LARGE1: variants seen among roughly 807,000 people sequenced by gnomAD.
The protein encoded by LARGE1 is LARGE xylosyl- and glucuronyltransferase 1.
LARGE1 carries 43 observed loss-of-function variants against 87.6 expected under a neutral mutation model. The ratio of observed to expected loss-of-function variants is 0.49; its 90% CI spans 0.38 to 0.63. The LOEUF (loss-of-function observed/expected upper bound fraction) is 0.63, where lower values mean the gene tolerates loss of function less well. Ranked by LOEUF, LARGE1 falls within the 30% of genes least tolerant of loss-of-function variation. The pLI is 0.00. For missense variants in LARGE1, 802 were observed against 1,000.2 expected, an observed-to-expected ratio of 0.80 and a Z score of 2.67; for synonymous variants, 434 against 394.6, an observed-to-expected ratio of 1.10 and a Z score of -1.18.
intron 5 of LARGE1, among the ~76,000 whole-genome samples, chr22:33,590,317 G>A (rs986179709): frequency 1.2e-4 from 18 of 152,150 alleles, no homozygotes; most frequent in Non-Finnish European, 1.6e-4. Flanking sequence ...AAGAATTAAA[G>A]TTGTTATCCA....
At chr22:33,290,348 C>A (rs1932312724) in intron 12 of LARGE1, among the ~76,000 whole-genome samples, 1 of 152,166 alleles carries the variant, frequency 6.6e-6, no homozygotes, top group African/African-American at 2.4e-5. Context: ...CACAGTGGTT[C>A]ACATTCTAGA....
At chr22:33,707,766 C>T (rs1304805626) in intron 2 of LARGE1, among the ~76,000 whole-genome samples, 4 of 152,062 alleles carry the variant, frequency 2.6e-5, no homozygotes, top group Non-Finnish European at 4.4e-5. Context: ...CTCCCACAGT[C>T]GACCCACACA....
chr22:33,273,334 G>C lies in LARGE1; in HGVS notation c.*1093C>G, dbSNP rs951603369. ...AGGTTGTCACCTCTTCCCATCCACA[G>C]TGAAGCAGGCAAGAACCAGAGGAAC... On this transcript the variant is annotated 3_prime_UTR_variant, in exon 15 of 15. Transcript: ENST00000397394. 7 of 398,528 alleles carry C rather than the reference G, an allele frequency of 1.8e-5. No individual in the cohort carries two copies. Among genetic ancestry groups the C allele is most frequent in the East Asian group, 7.1e-5 (2 of 28,096 alleles). The allele number at this position is 398,528 out of a possible 1,614,324, so 24.7% of individuals were successfully genotyped here. A position where few individuals can be genotyped will look rare whatever the true frequency, so the allele number is the denominator to read the frequency against.
At chr22:33,803,270 A>G (rs1364000996) in intron 1 of LARGE1, among the ~76,000 whole-genome samples, 1 of 152,116 alleles carries the variant, frequency 6.6e-6, no homozygotes, top group Non-Finnish European at 1.5e-5. Context: ...ATCTCAATTG[A>G]GCTTCAGAGA....
intron 2 of LARGE1, among the ~76,000 whole-genome samples, chr22:33,702,927 G>A (rs1393574649): frequency 6.6e-6 from 1 of 152,118 alleles, no homozygotes; most frequent in Non-Finnish European, 1.5e-5. Context: ...ACCCTGAGAC[G>A]GGGTTCTAAA....
intron 6 of LARGE1, among the ~76,000 whole-genome samples, chr22:33,448,336 T>C (rs2067772078): frequency 6.6e-6 from 1 of 152,214 alleles, no homozygotes; most frequent in Non-Finnish European, 1.5e-5. Flanking sequence ...AGTAGCTTGA[T>C]TTGGTCATTC....
intron 9 of LARGE1, among the ~76,000 whole-genome samples, chr22:33,376,034 A>T (rs1281436591): frequency 6.6e-6 from 1 of 152,256 alleles, no homozygotes; most frequent in Non-Finnish European, 1.5e-5. Context: ...GGAAAAGCCA[A>T]TATCACCGTA....
chr22:33,414,984 A>G (rs7286138), intron 7 of LARGE1, among the ~76,000 whole-genome samples: 4,931 of 152,312 alleles, frequency 0.032, 264 homozygotes, highest in African/African-American at 0.11. Flanking sequence ...CCACCTGGTT[A>G]ATGTTATTTT....
chr22:33,854,227 A>G (rs1028819195), intron 1 of LARGE1, among the ~76,000 whole-genome samples: 7 of 150,668 alleles, frequency 4.6e-5, no homozygotes, highest in Non-Finnish European at 7.4e-5. Flanking sequence ...AAAAAAAAAA[A>G]AAAAAAAAAA....
At chr22:33,427,816 C>T (rs1416839888) in intron 7 of LARGE1, among the ~76,000 whole-genome samples, 1 of 152,210 alleles carries the variant, frequency 6.6e-6, no homozygotes, top group Non-Finnish European at 1.5e-5. Context: ...ATGAGAAGCC[C>T]AAGGCTCCCT....
At chr22:33,268,058 C>T (rs1267797404), downstream of LARGE1, among the ~76,000 whole-genome samples, 3 of 150,988 alleles carry the variant, frequency 2.0e-5, no homozygotes, top group East Asian at 3.9e-4. Context: ...TGGGCTGAGG[C>T]GATTCTCCTC....
chr22:33,838,809 T>C (rs2063184976), intron 1 of LARGE1, among the ~76,000 whole-genome samples: 1 of 152,140 alleles, frequency 6.6e-6, no homozygotes, highest in Admixed American at 6.6e-5. Context: ...TGGGTCTCCC[T>C]GATTGTGTCT....
chr22:33,478,658 A>G lies in LARGE1; in HGVS notation c.788-46393T>C, dbSNP rs572867858. Among the ~76,000 whole-genome samples, 63 of 152,346 alleles carry G rather than the reference A, an allele frequency of 4.1e-4. 3 individuals carry two copies. In the South Asian group the frequency reaches 0.013, roughly 31 times the overall value. On this transcript the variant is annotated intron_variant, in intron 6 of 14. Transcript: ENST00000397394. ...CTGAACCACAATTTCTTCATCTGTA[A>G]AAACATAATGAACTGTCACAGGATT...
intron 7 of LARGE1, among the ~76,000 whole-genome samples, chr22:33,391,765 C>CTTTTTTT (rs1034572374): frequency 3.9e-4 from 25 of 63,852 alleles, no homozygotes; most frequent in Non-Finnish European, 6.1e-4. Flanking sequence ...TTCCTTTTTC[C>CTTTTTTT]TTTTTTTTTT....
At chr22:33,621,878 C>T (rs2079765514) in intron 4 of LARGE1, among the ~76,000 whole-genome samples, 1 of 152,102 alleles carries the variant, frequency 6.6e-6, no homozygotes, top group Non-Finnish European at 1.5e-5. Context: ...TTAAGCATAC[C>T]CTGAGAATGA....
At chr22:33,124,442 CA>C in the LARGE1 span, among the ~76,000 whole-genome samples, 2 of 145,334 alleles carry the variant, frequency 1.4e-5, no homozygotes, top group Non-Finnish European at 3.0e-5. Context: ...CACCTCTCTG[CA>C]GTGTTAGCAG....
the LARGE1 span, among the ~76,000 whole-genome samples, chr22:33,067,954 C>A: frequency 0.013 from 1,957 of 151,232 alleles, 12 homozygotes; most frequent in Middle Eastern, 0.02. Context: ...CACTCCAGCC[C>A]GGGCGACAAT....
chr22:33,899,487 A>G (rs1386567070), intron 1 of LARGE1, among the ~76,000 whole-genome samples: 1 of 152,220 alleles, frequency 6.6e-6, no homozygotes, highest in Non-Finnish European at 1.5e-5. Context: ...CCAGAACTGC[A>G]GGTGGCAAGT....
chr22:33,307,992 T>A (rs1036953465), intron 11 of LARGE1, among the ~76,000 whole-genome samples: 1 of 152,112 alleles, frequency 6.6e-6, no homozygotes, highest in African/African-American at 2.4e-5. Context: ...AGAAGGCCTG[T>A]CTCTGTCCCA....
Sources: gnomAD v4.1 joint callset for allele counts (sites outside exome capture counted in the v4.1 genomes callset) on GRCh38, gnomAD v4.1.1 for gene constraint, MANE v1.5 for transcripts, NCBI Gene and HGNC (gene_info 2026-07-23, HGNC 2026-07-21) for gene names.